CTDSP2: variants seen among roughly 807,000 people sequenced by gnomAD.
The protein encoded by CTDSP2 is carboxy-terminal domain RNA polymerase II polypeptide A small phosphatase 2.
CTDSP2 carries 9 observed loss-of-function variants against 31.6 expected under a neutral mutation model. The observed-to-expected ratio is 0.28, with a 90% confidence interval of 0.17 to 0.50. The LOEUF is 0.50. Ranked by LOEUF, CTDSP2 falls within the 20% of genes least tolerant of loss-of-function variation. The pLI is 0.98. For synonymous variants in CTDSP2, 134 were observed against 134.5 expected (o/e 1.00, Z 0.03); for missense variants, 267 against 348.5 (o/e 0.77, Z 1.86).
intron 1 of CTDSP2, among the ~76,000 whole-genome samples, chr12:57,832,725 T>A (rs147238304): frequency 4.2e-4 from 54 of 128,128 alleles, no homozygotes; most frequent in African/African-American, 1.6e-3. Context: ...CCGGGAGGCA[T>A]AGGTTGCACT....
intron 1 of CTDSP2, among the ~76,000 whole-genome samples, chr12:57,840,020 C>G (rs534809374): frequency 2.0e-5 from 3 of 152,252 alleles, no homozygotes; most frequent in African/African-American, 7.2e-5. Flanking sequence ...TAGGACTCCC[C>G]TTGAAGAGCC....
Position 57,846,729 on chromosome 12 carries a change from G to C in CTDSP2, c.-294C>G, listed in dbSNP as rs978070214. On this transcript the variant is annotated 5_prime_UTR_variant, in exon 1 of 8. Transcript: ENST00000398073. ...TGGAGAATCCGGAGCGAAAACAAGA[G>C]GAGGAAATGGGACACGGGGCGGTTT... 1 of 312,012 alleles carries C rather than the reference G, an allele frequency of 3.2e-6. No individual in the cohort carries two copies. Among genetic ancestry groups the C allele is most frequent in the African/African-American group, 2.2e-5 (1 of 45,612 alleles). 19.3% of individuals were successfully genotyped at this position (312,012 alleles called of 1,614,324 possible).
chr12:57,828,907 C>T (rs1956199006), intron 2 of CTDSP2, among the ~76,000 whole-genome samples: 1 of 152,376 alleles, frequency 6.6e-6, no homozygotes, highest in South Asian at 2.1e-4. Context: ...TGGGAGAGAA[C>T]TGCTGACAGG....
chr12:57,830,025 T>C (rs532030353), intron 1 of CTDSP2, among the ~76,000 whole-genome samples: 31 of 152,312 alleles, frequency 2.0e-4, no homozygotes, highest in Middle Eastern at 3.4e-3. Flanking sequence ...GCTGTAGTTC[T>C]GTTTAGCATC....
intron 1 of CTDSP2, among the ~76,000 whole-genome samples, chr12:57,833,780 G>C (rs1956230534): frequency 6.6e-6 from 1 of 152,236 alleles, no homozygotes; most frequent in Non-Finnish European, 1.5e-5. Context: ...TCCTTTATGT[G>C]AGGAGAGGAA....
chr12:57,824,294 A>C lies in CTDSP2; in HGVS notation c.437T>G (p.Val146Gly). Residue 146 changes from valine to glycine, a missense_variant, in exon 6 of 8, where the codon GTG (valine) becomes GGG (glycine). By Grantham distance (109) the Val-to-Gly change is moderately radical. Coordinates refer to ENST00000398073, the MANE Select transcript of CTDSP2 (RefSeq NM_005730.4). ...CCCCATGCGTCTCAGGAACTCATCC[A>C]CATAAGGCCTCTTGAGCACATACAC... ...HQVYVLKRPYVDEFLRRMGEL... is the reference protein window; with the variant it reads ...HQVYVLKRPYGDEFLRRMGEL... 6.2e-7 allele frequency: 1 copy of C among 1,614,086 alleles called. No individual in the cohort carries two copies. Among genetic ancestry groups the C allele is most frequent in the Non-Finnish European group, 8.5e-7 (1 of 1,179,966 alleles).
intron 1 of CTDSP2, among the ~76,000 whole-genome samples, chr12:57,837,503 C>G (rs1043356357): frequency 2.6e-5 from 4 of 152,026 alleles, no homozygotes; most frequent in Admixed American, 6.6e-5. Context: ...CCAGCATGAC[C>G]AATATGGTGA....
chr12:57,825,134 T>C (rs1238144313), intron 5 of CTDSP2, among the ~76,000 whole-genome samples: 1 of 152,040 alleles, frequency 6.6e-6, no homozygotes, highest in Non-Finnish European at 1.5e-5. Context: ...GGATGACAGG[T>C]GTAAGCCACG....
intron 1 of CTDSP2, among the ~76,000 whole-genome samples, chr12:57,845,106 C>G (rs1956306290): frequency 6.6e-6 from 1 of 152,200 alleles, no homozygotes; most frequent in Admixed American, 6.5e-5. Context: ...GCCCACCAGG[C>G]TCTAGGCCTC....
intron 1 of CTDSP2, chr12:57,842,609 T>G (rs549443217): frequency 1.6e-4 from 24 of 152,324 alleles, no homozygotes; most frequent in African/African-American, 4.6e-4. Context: ...CAAGCTTAAG[T>G]CACCACGCAG....
intron 1 of CTDSP2, among the ~76,000 whole-genome samples, chr12:57,838,861 G>A (rs139338047): frequency 6.6e-6 from 1 of 152,164 alleles, no homozygotes; most frequent in Non-Finnish European, 1.5e-5. Context: ...CAAAAGCTTT[G>A]TAAGTGTCAA....
At chr12:57,824,700 G>A (rs767949175) in intron 5 of CTDSP2, 1 of 537,052 alleles carries the variant, frequency 1.9e-6, no homozygotes, top group South Asian at 1.4e-5. Flanking sequence ...GCCTCTATGG[G>A]AGCTTTCTGT....
intron 1 of CTDSP2, among the ~76,000 whole-genome samples, chr12:57,841,529 C>A (rs1956282421): frequency 1.3e-5 from 2 of 152,202 alleles, no homozygotes; most frequent in Non-Finnish European, 2.9e-5. Context: ...CCTTCTCCCA[C>A]CCCCAGATGC....
chr12:57,823,063 G>C lies in CTDSP2; in HGVS notation c.*539C>G, dbSNP rs1316073904. On this transcript the variant is annotated 3_prime_UTR_variant, in exon 8 of 8. Transcript: ENST00000398073. Reference sequence around the variant, plus strand: ...CTGGAAACAAGTTCTCATCTTCCCAGAAATGTGATCTTTTGTCTGCAGCAG... The same window carrying C: ...CTGGAAACAAGTTCTCATCTTCCCACAAATGTGATCTTTTGTCTGCAGCAG... The C allele has an allele frequency of 1.3e-5, 2 of 156,630 alleles. No individual in the cohort carries two copies. Among genetic ancestry groups the C allele is most frequent in the African/African-American group, 2.4e-5 (1 of 41,502 alleles). 9.7% of individuals were successfully genotyped at this position (156,630 alleles called of 1,614,324 possible). A position where few individuals can be genotyped will look rare whatever the true frequency, so the allele number is the denominator to read the frequency against.
At chr12:57,839,723 C>A (rs570797878) in intron 1 of CTDSP2, among the ~76,000 whole-genome samples, 10,416 of 147,722 alleles carry the variant, frequency 0.071, 415 homozygotes, top group Non-Finnish European at 0.094. Flanking sequence ...GACTCCATCT[C>A]AAAAAAAAAA....
At chr12:57,846,315 G>C in intron 1 of CTDSP2, 57 bp downstream of exon 1, 10 of 1,508,634 alleles carry the variant, frequency 6.6e-6, no homozygotes, top group Admixed American at 1.9e-5. Flanking sequence ...TCGGGGCTGT[G>C]CTAGCCCCCT....
chr12:57,833,531 G>A (rs1956229262), intron 1 of CTDSP2, among the ~76,000 whole-genome samples: 1 of 152,178 alleles, frequency 6.6e-6, no homozygotes, highest in Non-Finnish European at 1.5e-5. Context: ...CTACTCCAGA[G>A]AATTCATCAG....
chr12:57,824,344 T>C (rs1239149008), intron 5 of CTDSP2, 25 bp from the exon 6 acceptor site: 1 of 1,560,120 alleles, frequency 6.4e-7, no homozygotes, highest in Non-Finnish European at 8.8e-7. Context: ...AGCAGCCTGT[T>C]GGAGGCATCC....
rs1358395467 is a variant in CTDSP2, at chr12:57,823,403, G to A, written c.*199C>T. On this transcript the variant is annotated 3_prime_UTR_variant, in exon 8 of 8. Transcript: ENST00000398073. ...CAAACACACATCTCAACAAGTTGGC[G>A]GCAGGTAGCTCTGGGTATCATTGGT... 1.7e-5 allele frequency: 10 copies of A among 604,572 alleles called. No individual in the cohort carries two copies. The highest frequency in any genetic ancestry group is 8.8e-5 in the Admixed American group (3 of 34,046). The allele number at this position is 604,572 out of a possible 1,614,324, so 37.5% of individuals were successfully genotyped here. A position where few individuals can be genotyped will look rare whatever the true frequency, so the allele number is the denominator to read the frequency against.
Sources: gnomAD v4.1 joint callset for allele counts (sites outside exome capture counted in the v4.1 genomes callset) on GRCh38, gnomAD v4.1.1 for gene constraint, MANE v1.5 for transcripts, NCBI Gene and HGNC (gene_info 2026-07-23, HGNC 2026-07-21) for gene names.